The following ZNF480 variants were observed in gnomAD, a reference collection of about 807,000 sequenced individuals.
ZNF480 encodes the protein zinc finger protein 480.
A neutral mutation model predicts 14.4 loss-of-function variants in ZNF480; 15 were observed. The ratio of observed to expected loss-of-function variants is 1.04; its 90% CI spans 0.70 to 1.60. ZNF480 has a LOEUF of 1.60. Ranked by LOEUF, ZNF480 falls within the 40% of genes most tolerant of loss-of-function variation. The pLI, the probability that ZNF480 is intolerant of heterozygous loss-of-function variation, is 0.00. For synonymous variants in ZNF480, 218 were observed against 215.5 expected, an observed-to-expected ratio of 1.01 and a Z score of -0.10; for missense variants, 593 against 629.7, an observed-to-expected ratio of 0.94 and a Z score of 0.62.
At chr19:52,313,531 A>G (rs1983395481) in intron 2 of ZNF480, among the ~76,000 whole-genome samples, 1 of 152,124 alleles carries the variant, frequency 6.6e-6, no homozygotes, top group African/African-American at 2.4e-5. Context: ...GTAGGTATTC[A>G]GATCAGGTAG....
At chr19:52,303,626 C>T (rs551004791) in intron 2 of ZNF480, among the ~76,000 whole-genome samples, 1 of 152,124 alleles carries the variant, frequency 6.6e-6, no homozygotes, top group Non-Finnish European at 1.5e-5. Flanking sequence ...AAATCTAAAG[C>T]CTTTTCTGGA....
intron 4 of ZNF480, among the ~76,000 whole-genome samples, chr19:52,316,194 C>CTTTCTTTCTTTCTTTCTT (rs368914598): frequency 7.0e-6 from 1 of 142,694 alleles, no homozygotes; most frequent in African/African-American, 2.6e-5. Context: ...CTCTCTCTTT[C>CTTTCTTTCTTTCTTTCTT]TCTTTCTTTC....
At chr19:52,314,376 A>G in intron 3 of ZNF480, 97 bp downstream of exon 3, 1 of 1,214,188 alleles carries the variant, frequency 8.2e-7, no homozygotes, top group Non-Finnish European at 1.1e-6. Flanking sequence ...TGTTTGACTG[A>G]CATTAAGCAG....
rs376748413 is a variant in ZNF480 at position 52,315,814 on chromosome 19, A to AT, written c.200-9dup. The AT allele has an allele frequency of 7.8e-3, 9,345 of 1,203,012 alleles. No homozygotes were observed. The highest frequency in any genetic ancestry group is 0.019 in the South Asian group (1,281 of 66,000). The allele number at this position is 1,203,012 out of a possible 1,614,324, so 74.5% of individuals were successfully genotyped here. A position where few individuals can be genotyped will look rare whatever the true frequency, so the allele number is the denominator to read the frequency against. On this transcript the variant is annotated intron_variant, in intron 3 of 4. Coordinates refer to ENST00000595962, the MANE Select transcript of ZNF480 (RefSeq NM_144684.4). The stretch of plus-strand genomic sequence containing the variant: ...TTTGGAGATGCTACAGCACATTTTG[A>AT]TTTTTTTTTTTACAAACAGGAATCT...
chr19:52,299,944 G>A (rs770396844), intron 1 of ZNF480, among the ~76,000 whole-genome samples: 4 of 152,210 alleles, frequency 2.6e-5, no homozygotes, highest in Non-Finnish European at 5.9e-5. Context: ...GAAGTTCCAG[G>A]CATCCAATGG....
chr19:52,297,357 C>A, intron 1 of ZNF480, 134 bp downstream of exon 1: 1 of 377,500 alleles, frequency 2.6e-6, no homozygotes, highest in Non-Finnish European at 5.2e-6. Flanking sequence ...CAGGCGTCTC[C>A]GTGAGAGTCA....
intron 2 of ZNF480, among the ~76,000 whole-genome samples, chr19:52,311,346 A>AT (rs1452198254): frequency 6.6e-6 from 1 of 151,838 alleles, no homozygotes; most frequent in Non-Finnish European, 1.5e-5. Flanking sequence ...ATATAATCAT[A>AT]TTTTTTATAT....
intron 2 of ZNF480, among the ~76,000 whole-genome samples, chr19:52,308,111 A>G (rs1452206156): frequency 6.6e-6 from 1 of 151,956 alleles, no homozygotes; most frequent in African/African-American, 2.4e-5. Flanking sequence ...CCTAGCATGG[A>G]TGGAGATGGG....
In ZNF480 at chr19:52,322,503, G is replaced by A. The variant is rs368398384; in HGVS notation, c.1253G>A (p.Arg418Gln). ...CAACTTTCAAATCTTGCACGACATC[G>A]AAGAATTCATACTGGAGAGAAGCCT... ...FNQLSNLARH[R>Q]RIHTGEKPYK... Residue 418 changes from arginine to glutamine, a missense_variant, in exon 5 of 5, where the codon CGA (arginine) becomes CAA (glutamine). Arg to Gln is a conservative substitution (Grantham distance 43, BLOSUM62 1). Transcript: ENST00000595962. 30 of 1,613,774 alleles carry A rather than the reference G, an allele frequency of 1.9e-5. No homozygotes were observed. Among genetic ancestry groups the A allele is most frequent in the Admixed American group, 8.3e-5 (5 of 59,960 alleles).
intron 2 of ZNF480, 169 bp from the exon 3 acceptor site, chr19:52,313,984 A>G: frequency 1.4e-6 from 1 of 731,174 alleles, no homozygotes; most frequent in Middle Eastern, 5.9e-4. Flanking sequence ...GTCTCAAAAA[A>G]AAGAAAAAAA....
At chr19:52,315,402 G>A (rs1266025824) in intron 3 of ZNF480, among the ~76,000 whole-genome samples, 3 of 151,566 alleles carry the variant, frequency 2.0e-5, no homozygotes, top group African/African-American at 4.9e-5. Flanking sequence ...TGCAACCTCC[G>A]CCTCCTGGGG....
chr19:52,321,883 CTT>C lies in ZNF480; in HGVS notation c.635_636del (p.Phe212Ter). 1 of 1,614,136 alleles carries C rather than the reference CTT, an allele frequency of 6.2e-7. No individual in the cohort carries two copies. Among genetic ancestry groups the C allele is most frequent in the Non-Finnish European group, 8.5e-7 (1 of 1,180,026 alleles). ...ATGAATGTAATGAGCATAGCAAAGT[CTT>C]TAGAGTATCTTCCAGCCTTACTAAA... Reference protein sequence around the residue: ...PYECNEHSKVFRVSSSLTKHQ... With the variant: ...PYECNEHSKVXRVSSSLTKHQ... On this transcript the variant is annotated frameshift_variant, in exon 5 of 5. Coordinates refer to ENST00000595962, the MANE Select transcript of ZNF480 (RefSeq NM_144684.4). LOFTEE classifies it low-confidence loss of function (END_TRUNC).
chr19:52,314,882 G>A (rs1045523489), intron 3 of ZNF480, among the ~76,000 whole-genome samples: 1 of 152,040 alleles, frequency 6.6e-6, no homozygotes, highest in South Asian at 2.1e-4. Flanking sequence ...GTGTTTTCTG[G>A]AGTTGAAATG....
At position 52,314,195 on chromosome 19, in the gene ZNF480, G is replaced by A; in HGVS notation, c.115G>A (p.Ala39Thr). 2 of 1,583,168 alleles carry A rather than the reference G, an allele frequency of 1.3e-6. No individual in the cohort carries two copies. The highest frequency in any genetic ancestry group is 1.7e-6 in the Non-Finnish European group (2 of 1,160,360). Reference sequence around the variant, plus strand: ...GGACGTGGCCATAGAATTCTCTCAGGCGGAGTGGAAATGCCTGGACCCTGC... The same window carrying A: ...GGACGTGGCCATAGAATTCTCTCAGACGGAGTGGAAATGCCTGGACCCTGC... The part of the protein sequence containing the change: ...FRDVAIEFSQ[A>T]EWKCLDPAQR... Residue 39 changes from alanine to threonine, a missense_variant, in exon 3 of 5, where the codon GCG becomes ACG. Physicochemically the swap from Ala to Thr is moderately conservative, Grantham distance 58. Coordinates refer to ENST00000595962, the MANE Select transcript of ZNF480 (RefSeq NM_144684.4).
At chr19:52,303,495 C>G (rs1390288144) in intron 2 of ZNF480, among the ~76,000 whole-genome samples, 1 of 152,070 alleles carries the variant, frequency 6.6e-6, no homozygotes, top group African/African-American at 2.4e-5. Flanking sequence ...ATCAGAGTAG[C>G]AATTTGATCC....
At chr19:52,315,676 G>A (rs1209129153) in intron 3 of ZNF480, among the ~76,000 whole-genome samples, 158 bp from the exon 4 acceptor site, 1 of 152,088 alleles carries the variant, frequency 6.6e-6, no homozygotes, top group Non-Finnish European at 1.5e-5. Context: ...ATGTCTGCAT[G>A]TTATAATATT....
At position 52,314,182 on chromosome 19, in the gene ZNF480, A is replaced by G; in HGVS notation, c.102A>G (p.Ile34Met). 6.3e-7 allele frequency: 1 copy of G among 1,580,264 alleles called. No individual in the cohort carries two copies. The highest frequency in any genetic ancestry group is 8.6e-7 in the Non-Finnish European group (1 of 1,158,460). ...QGHLTFRDVA[I>M]EFSQAEWKCL... is the part of the protein sequence containing the mutation. Reference sequence around the variant, plus strand: ...ACTTAACATTCAGGGACGTGGCCATAGAATTCTCTCAGGCGGAGTGGAAAT... The same window carrying G: ...ACTTAACATTCAGGGACGTGGCCATGGAATTCTCTCAGGCGGAGTGGAAAT... Residue 34 changes from isoleucine to methionine, a missense_variant, in exon 3 of 5, where the codon ATA becomes ATG. By Grantham distance (10) the Ile-to-Met change is conservative. Coordinates refer to ENST00000595962, the MANE Select transcript of ZNF480 (RefSeq NM_144684.4).
At chr19:52,300,767 A>C in intron 2 of ZNF480, 1 of 495,168 alleles carries the variant, frequency 2.0e-6, no homozygotes, top group Non-Finnish European at 3.6e-6. Context: ...CCACATATTT[A>C]TTGACAGCAA....
intron 4 of ZNF480, 140 bp downstream of exon 4, chr19:52,316,102 G>A: frequency 1.2e-6 from 1 of 814,900 alleles, no homozygotes; most frequent in Non-Finnish European, 1.8e-6. Context: ...TCATGAAACA[G>A]AGCCTGAGAG....
Sources: gnomAD v4.1 joint callset for allele counts (sites outside exome capture counted in the v4.1 genomes callset) on GRCh38, gnomAD v4.1.1 for gene constraint, MANE v1.5 for transcripts, NCBI Gene and HGNC (gene_info 2026-07-23, HGNC 2026-07-21) for gene names.